Variants in PRELID2 observed in about 807,000 individuals in gnomAD.
The protein encoded by PRELID2 is PRELI domain-containing protein 2.
Under a neutral mutation model 28.4 loss-of-function variants are expected in PRELID2, and 25 were observed. The ratio of observed to expected loss-of-function variants is 0.88; its 90% confidence interval spans 0.64 to 1.23. The LOEUF (loss-of-function observed/expected upper bound fraction) is 1.23, where lower values mean the gene tolerates loss of function less well. PRELID2 is among the 50% of genes most tolerant of loss of function. The pLI is 0.00. For synonymous variants in PRELID2, 76 were observed against 71.6 expected, an observed-to-expected ratio of 1.06 and a Z score of -0.31; for missense variants, 201 against 214.4, an observed-to-expected ratio of 0.94 and a Z score of 0.39.
chr5:145,380,718 T>C, the PRELID2 span, among the ~76,000 whole-genome samples: 1 of 152,208 alleles, frequency 6.6e-6, no homozygotes, highest in African/African-American at 2.4e-5. Flanking sequence ...CTCACTATAA[T>C]GGCATTAAAT....
chr5:145,439,112 C>T, the PRELID2 span, among the ~76,000 whole-genome samples: 1 of 152,234 alleles, frequency 6.6e-6, no homozygotes, highest in African/African-American at 2.4e-5. Context: ...CACTGCTGCT[C>T]TGTAATACTT....
the PRELID2 span, among the ~76,000 whole-genome samples, chr5:145,364,317 C>T: frequency 3.0e-4 from 46 of 152,076 alleles, no homozygotes; most frequent in East Asian, 7.8e-3. Flanking sequence ...GGATGCATTA[C>T]AACTATTTGA....
intron 1 of PRELID2, among the ~76,000 whole-genome samples, chr5:145,720,099 T>G (rs1755947521): frequency 6.6e-6 from 1 of 151,738 alleles, no homozygotes; most frequent in African/African-American, 2.4e-5. Context: ...GGAAGTGATT[T>G]AAATGAAGGA....
rs80161041 is a variant in PRELID2 at position 145,493,442 on chromosome 5, A to G, written n.71-20127T>C. ...CAGGTTTCCCTGCAACCTCTGATCT[A>G]TTGCTTCAGTGTCCTGATTGTGTCA... On this transcript the variant is annotated intron_variant and non_coding_transcript_variant, in intron 1 of 2. Coordinates refer to the PRELID2 transcript ENST00000510259. Among the ~76,000 whole-genome samples the G allele has an allele frequency of 7.2e-3, 1,097 of 152,246 alleles. 15 individuals carry two copies. The highest frequency in any genetic ancestry group is 8.1e-3 in the Non-Finnish European group (549 of 68,010).
chr5:145,528,690 T>TACACAC (rs34302691), intron 1 of PRELID2, among the ~76,000 whole-genome samples: 14 of 129,762 alleles, frequency 1.1e-4, no homozygotes, highest in Non-Finnish European at 1.5e-4. Context: ...CATTCTAAAC[T>TACACAC]ACACACACAC....
At chr5:145,481,650 A>AAAAAAAAAAAAAAAAAAAAAAAAAG (rs1752162758) in intron 1 of PRELID2, among the ~76,000 whole-genome samples, 2 of 117,846 alleles carry the variant, frequency 1.7e-5, no homozygotes, top group African/African-American at 3.3e-5. Context: ...AAAAAAAAAA[A>AAAAAAAAAAAAAAAAAAAAAAAAAG]AAAGAAAGAA....
intron 1 of PRELID2, among the ~76,000 whole-genome samples, chr5:145,645,203 A>T (rs1754176004): frequency 6.6e-6 from 1 of 152,042 alleles, no homozygotes; most frequent in Non-Finnish European, 1.5e-5. Flanking sequence ...GTGCACCTCT[A>T]TTGGGTGCAT....
intron 4 of PRELID2, among the ~76,000 whole-genome samples, chr5:145,800,521 G>A (rs1561624235): frequency 6.6e-6 from 1 of 152,112 alleles, no homozygotes; most frequent in Non-Finnish European, 1.5e-5. Flanking sequence ...GAAATGAAAA[G>A]TTGAGCAGTC....
At chr5:145,728,326 C>A (rs1014282882) in intron 1 of PRELID2, 34 of 334,322 alleles carry the variant, frequency 1.0e-4, no homozygotes, top group African/African-American at 6.8e-4. Flanking sequence ...CTATCTATCT[C>A]TATTTATCTC....
chr5:145,274,938 T>TGAGGCCTCTCACTTTGGCTTTTG, the PRELID2 span, among the ~76,000 whole-genome samples: 2 of 152,168 alleles, frequency 1.3e-5, no homozygotes, highest in Admixed American at 1.3e-4. Context: ...TGATTTCTTC[T>TGAGGCCTCTCACTTTGGCTTTTG]GAGGCCTCTC....
intron 1 of PRELID2, among the ~76,000 whole-genome samples, chr5:145,643,548 T>C (rs776961069): frequency 6.6e-6 from 1 of 152,228 alleles, no homozygotes; most frequent in African/African-American, 2.4e-5. Context: ...TCCAATAATA[T>C]GTTCAATAGG....
intron 1 of PRELID2, among the ~76,000 whole-genome samples, chr5:145,540,062 T>C (rs1743780412): frequency 6.6e-6 from 1 of 151,950 alleles, no homozygotes; most frequent in Non-Finnish European, 1.5e-5. Context: ...TTTAAGAGTT[T>C]ATAGTGCCTT....
At chr5:145,294,565 G>T in the PRELID2 span, among the ~76,000 whole-genome samples, 2 of 152,076 alleles carry the variant, frequency 1.3e-5, no homozygotes, top group African/African-American at 4.8e-5. Context: ...TAAGGGCTGT[G>T]TTTCCTATAT....
rs189962524 is a variant in PRELID2, at chr5:145,833,286, C to T, written c.75+1891G>A. Among the ~76,000 whole-genome samples, 20 of 152,266 alleles carry T rather than the reference C, an allele frequency of 1.3e-4. No homozygotes were observed. In the South Asian group the frequency reaches 3.3e-3, roughly 25 times the overall value. Reference sequence around the variant, plus strand: ...AGAAGTCACCATCTGACACTGCAGACGGTCAGCAACGCCTAGACAGAGTGC... The same window carrying T: ...AGAAGTCACCATCTGACACTGCAGATGGTCAGCAACGCCTAGACAGAGTGC... On this transcript the variant is annotated intron_variant, in intron 1 of 6. Transcript: ENST00000683046.
At chr5:145,235,201 G>T in the PRELID2 span, among the ~76,000 whole-genome samples, 1 of 151,932 alleles carries the variant, frequency 6.6e-6, no homozygotes, top group Non-Finnish European at 1.5e-5. Context: ...AGTAACTGAG[G>T]GTCAAACACT....
At chr5:145,488,650 C>T (rs1752243356) in intron 1 of PRELID2, among the ~76,000 whole-genome samples, 1 of 152,134 alleles carries the variant, frequency 6.6e-6, no homozygotes, top group Non-Finnish European at 1.5e-5. Context: ...TTCAGTATTA[C>T]GTAAGTAATA....
chr5:145,734,148 C>G (rs1160012112), intron 1 of PRELID2, among the ~76,000 whole-genome samples: 1 of 152,082 alleles, frequency 6.6e-6, no homozygotes, highest in Non-Finnish European at 1.5e-5. Context: ...TGGAGTCTCA[C>G]TCTGTCACCC....
At chr5:145,313,962 T>G in the PRELID2 span, among the ~76,000 whole-genome samples, 11 of 152,352 alleles carry the variant, frequency 7.2e-5, no homozygotes, top group African/African-American at 2.6e-4. Context: ...CTTGTTCTGA[T>G]GGCCGTTTCA....
At chr5:145,250,560 A>G in the PRELID2 span, among the ~76,000 whole-genome samples, 10 of 152,270 alleles carry the variant, frequency 6.6e-5, no homozygotes, top group Non-Finnish European at 5.9e-5. Context: ...GTTGTAGACC[A>G]TGGGATGTTG....
Sources: gnomAD v4.1 joint callset for allele counts (sites outside exome capture counted in the v4.1 genomes callset) on GRCh38, gnomAD v4.1.1 for gene constraint, MANE v1.5 for transcripts, NCBI Gene and HGNC (gene_info 2026-07-23, HGNC 2026-07-21) for gene names.